Variants in TET1 observed in about 807,000 individuals in gnomAD.
The protein encoded by TET1 is tet methylcytosine dioxygenase 1, also known as methylcytosine dioxygenase TET1.
In TET1, 13 loss-of-function variants were observed where a neutral mutation model predicts 148.7. That is an observed-to-expected ratio of 0.09 (90% CI 0.06 to 0.14). TET1 has a LOEUF of 0.14. Ranked by LOEUF, TET1 falls within the 10% of genes least tolerant of loss-of-function variation. TET1 has a pLI of 1.00. For missense variants in TET1, 2,182 were observed against 2,553.8 expected (o/e 0.85, Z 3.14); for synonymous variants, 907 against 937.2 (o/e 0.97, Z 0.59).
chr10:68,689,923 AAC>A (rs1490756604), intron 11 of TET1, among the ~76,000 whole-genome samples: 3 of 152,234 alleles, frequency 2.0e-5, no homozygotes, highest in African/African-American at 7.2e-5. Context: ...ATGAGAAGGA[AAC>A]TAAGCTGAAA....
intron 3 of TET1, among the ~76,000 whole-genome samples, chr10:68,605,414 A>G (rs1171747404): frequency 6.6e-6 from 1 of 152,230 alleles, no homozygotes; most frequent in African/African-American, 2.4e-5. Flanking sequence ...CGGAGGTTAC[A>G]GTGAGGAAAC....
At chr10:68,581,838 A>G (rs1367402604) in intron 2 of TET1, among the ~76,000 whole-genome samples, 2 of 147,972 alleles carry the variant, frequency 1.4e-5, no homozygotes, top group African/African-American at 4.9e-5. Context: ...CCGTGTCTCA[A>G]AAAAAAAAAA....
Position 68,655,716 on chromosome 10 carries a change from C to T in TET1, c.4461+3122C>T, listed in dbSNP as rs1039047060. Among the ~76,000 whole-genome samples, 5 of 152,204 alleles carry T rather than the reference C, an allele frequency of 3.3e-5. 1 individual carries two copies. Among genetic ancestry groups the T allele is most frequent in the South Asian group, 4.1e-4 (2 of 4,822 alleles). ...TATAAATGCTGTAGCTTAAAGATTT[C>T]GGTAACAACTTTCTATTAGTATTTT... On this transcript the variant is annotated intron_variant, in intron 6 of 11. Transcript: ENST00000373644.
chr10:68,682,748 C>T, intron 9 of TET1, 88 bp from the exon 10 acceptor site: 1 of 1,423,436 alleles, frequency 7.0e-7, no homozygotes, highest in Non-Finnish European at 9.5e-7. Flanking sequence ...TAATTAGAAA[C>T]TTCATGAGGA....
intron 2 of TET1, among the ~76,000 whole-genome samples, chr10:68,584,342 A>G (rs955817506): frequency 1.3e-5 from 2 of 150,436 alleles, no homozygotes; most frequent in Non-Finnish European, 3.0e-5. Context: ...GCGCCCGGCC[A>G]TGAGTGAGTA....
At chr10:68,622,223 C>CCTTCCT (rs1564973369) in intron 3 of TET1, among the ~76,000 whole-genome samples, 28 of 66,614 alleles carry the variant, frequency 4.2e-4, no homozygotes, top group African/African-American at 1.9e-3. Flanking sequence ...CCTTCCTTCC[C>CCTTCCT]TCCTTCCTCC....
chr10:68,590,225 A>G (rs575335077), intron 2 of TET1, among the ~76,000 whole-genome samples: 1 of 151,742 alleles, frequency 6.6e-6, no homozygotes, highest in African/African-American at 2.4e-5. Flanking sequence ...TGATTCTCCC[A>G]TCTCAGCCTC....
At chr10:68,574,471 T>A (rs967926815) in intron 2 of TET1, among the ~76,000 whole-genome samples, 6 of 152,220 alleles carry the variant, frequency 3.9e-5, no homozygotes, top group Non-Finnish European at 7.3e-5. Flanking sequence ...CTAGCTTATT[T>A]TTAGAATTTG....
chr10:68,596,289 G>A (rs1390693649), intron 2 of TET1, among the ~76,000 whole-genome samples: 1 of 151,794 alleles, frequency 6.6e-6, no homozygotes, highest in African/African-American at 2.4e-5. Context: ...TGTAGAGAGA[G>A]CTGTATAGAT....
chr10:68,571,022 G>A (rs144863419), intron 1 of TET1, among the ~76,000 whole-genome samples: 4,002 of 150,122 alleles, frequency 0.027, 183 homozygotes, highest in African/African-American at 0.093. Flanking sequence ...ATGGAGTCTC[G>A]CTGTGTCACC....
Position 68,646,467 on chromosome 10 carries a change from A to C in TET1, c.3738A>C (p.Arg1246Ser). Residue 1246 changes from arginine (R) to serine (S), a missense_variant, in exon 4 of 12, where the codon AGA becomes AGC. This residue lies in a region of TET1 where 582 missense variants were observed against 599.5 expected (regional missense o/e 0.97). Coordinates refer to ENST00000373644, the MANE Select transcript of TET1 (RefSeq NM_030625.3). Reference protein sequence around the residue: ...FPPLTQIKLQRYPESAEEKVK... With the variant: ...FPPLTQIKLQSYPESAEEKVK... Reference sequence around the variant, plus strand: ...CACTCACTCAGATAAAATTACAGAGATATCCTGAATCAGCAGAGGAAAAGG... The same window carrying C: ...CACTCACTCAGATAAAATTACAGAGCTATCCTGAATCAGCAGAGGAAAAGG... 6.2e-7 allele frequency: 1 copy of C among 1,614,180 alleles called. No individual in the cohort carries two copies. The highest frequency in any genetic ancestry group is 8.5e-7 in the Non-Finnish European group (1 of 1,180,036).
At chr10:68,664,261 TC>T (rs144613210) in intron 6 of TET1, among the ~76,000 whole-genome samples, 2,227 of 152,244 alleles carry the variant, frequency 0.015, 45 homozygotes, top group African/African-American at 0.051. Context: ...CTGCCAATTT[TC>T]TATGGGGGCA....
At chr10:68,562,904 T>C (rs1398541944) in intron 1 of TET1, among the ~76,000 whole-genome samples, 1 of 152,216 alleles carries the variant, frequency 6.6e-6, no homozygotes, top group African/African-American at 2.4e-5. Context: ...GCTTTATTAC[T>C]ATAGATGTCG....
chr10:68,594,072 T>C (rs1047329687), intron 2 of TET1, among the ~76,000 whole-genome samples: 3 of 151,586 alleles, frequency 2.0e-5, no homozygotes, highest in Non-Finnish European at 4.4e-5. Flanking sequence ...ACTACAGGCA[T>C]GCGCCACCAT....
rs1217538860 is a variant in TET1 at position 68,572,425 on chromosome 10, G to A, written c.87G>A (p.Lys29=). 1 of 1,613,556 alleles carries A rather than the reference G, an allele frequency of 6.2e-7. No individual in the cohort carries two copies. Among genetic ancestry groups the A allele is most frequent in the Non-Finnish European group, 8.5e-7 (1 of 1,179,930 alleles). ...AAAAGAAAAACAGCCAACTACGAAA[G>A]ACAACCAAGGGAGCCAACAAAAATG... ...NKKKKNSQLR[K]TTKGANKNVA... The change falls in exon 2 of 12, where the codon AAG becomes AAA. Residue 29 remains lysine (K), a synonymous_variant. Transcript: ENST00000373644.
rs751494650 is a variant in TET1, at chr10:68,645,958, G to A, written c.3229G>A (p.Val1077Ile). 5.0e-6 allele frequency: 8 copies of A among 1,614,008 alleles called. No homozygotes were observed. In the South Asian group the frequency reaches 6.6e-5, roughly 13 times the overall value. ...DATHTQIEED[V>I]ATQLTQLASI... The stretch of plus-strand genomic sequence containing the variant: ...AACCCATACCCAAATTGAGGAAGAT[G>A]TTGCAACACAGTTGACACAACTTGC... The change falls in exon 4 of 12, where the codon GTT becomes ATT. Residue 1077 changes from valine to isoleucine, a missense_variant. By Grantham distance (29) the Val-to-Ile change is conservative. Coordinates refer to ENST00000373644, the MANE Select transcript of TET1 (RefSeq NM_030625.3).
rs71470531 is a variant in TET1, at chr10:68,596,027, C to CACATATATATAT, written c.1915-4953_1915-4952insCATATATATATA. Among the ~76,000 whole-genome samples the CACATATATATAT allele has an allele frequency of 2.3e-3, 144 of 61,724 alleles. 2 individuals are homozygous for CACATATATATAT. The highest frequency in any genetic ancestry group is 3.0e-3 in the Non-Finnish European group (105 of 34,728). 40.5% of individuals were successfully genotyped at this position (61,724 alleles called of 152,430 possible). On this transcript the variant is annotated intron_variant, in intron 2 of 11. Coordinates refer to ENST00000373644, the MANE Select transcript of TET1 (RefSeq NM_030625.3). ...ACACACACACACACACACACACACA[C>CACATATATATAT]ATATATATATATATATACACATTTT...
rs983382465 is a variant in TET1, at chr10:68,649,133, T to C, written c.4276+2128T>C. Among the ~76,000 whole-genome samples the C allele has an allele frequency of 5.9e-5, 9 of 152,208 alleles. 1 individual carries two copies. The highest frequency in any genetic ancestry group is 1.3e-4 in the Non-Finnish European group (9 of 68,034). ...TTGTGCTTGCCTTGACTTGTTATTT[T>C]CACAGAAGCTCTTCAAAGAGAGGGT... On this transcript the variant is annotated intron_variant, in intron 4 of 11. Coordinates refer to ENST00000373644, the MANE Select transcript of TET1 (RefSeq NM_030625.3).
rs2054858901 is a variant in TET1 at position 68,646,880 on chromosome 10, A to T, written c.4151A>T (p.Glu1384Val). ...TGTTCATCCAGTTTTGGAACATCAG[A>T]ATTTTCCACAGTGGACAGTGCACAG... ...EVCSSSFGTS[E>V]FSTVDSAQKN... The change falls in exon 4 of 12, where the codon GAA becomes GTA. Residue 1384 changes from glutamate (E) to valine (V), a missense_variant. Around this residue, in one of 11 missense-constraint regions of TET1, gnomAD observed 169 missense variants for 263.7 expected, o/e 0.64. Transcript: ENST00000373644. 6.2e-7 allele frequency: 1 copy of T among 1,614,062 alleles called. No individual in the cohort carries two copies. Among genetic ancestry groups the T allele is most frequent in the South Asian group, 1.1e-5 (1 of 91,090 alleles).
Sources: gnomAD v4.1 joint callset for allele counts (sites outside exome capture counted in the v4.1 genomes callset) on GRCh38, gnomAD v4.1.1 for gene constraint, gnomAD v4.1.1 regional missense constraint, MANE v1.5 for transcripts, NCBI Gene and HGNC (gene_info 2026-07-23, HGNC 2026-07-21) for gene names.